Variants in MRTFB observed in about 807,000 individuals in gnomAD.
MRTFB encodes myocardin-related transcription factor B.
MRTFB carries 29 observed loss-of-function variants against 104.2 expected under a neutral mutation model. The observed-to-expected ratio is 0.28, with a 90% confidence interval of 0.21 to 0.38. MRTFB has a LOEUF of 0.38. Ranked by LOEUF, MRTFB falls within the 10% of genes least tolerant of loss-of-function variation. The pLI, the probability that MRTFB is intolerant of heterozygous loss-of-function variation, is 1.00. For synonymous variants in MRTFB, 535 were observed against 519.5 expected (o/e 1.03, Z -0.41); for missense variants, 1,270 against 1,341.6 (o/e 0.95, Z 0.83).
intron 8 of MRTFB, among the ~76,000 whole-genome samples, chr16:14,233,757 T>C (rs1406611132): frequency 7.4e-6 from 1 of 135,244 alleles, no homozygotes; most frequent in East Asian, 2.1e-4. Context: ...CCCACTGCAT[T>C]CCAGCCTGAG....
Position 14,218,976 on chromosome 16 carries a change from T to C in MRTFB, c.671T>C (p.Val224Ala), listed in dbSNP as rs754844949. The change falls in exon 8 of 17, where the codon GTG (valine) becomes GCG (alanine). Residue 224 changes from valine to alanine, a missense_variant. By Grantham distance (64) the Val-to-Ala change is moderately conservative. This residue lies in a region of MRTFB where 1,144 missense variants were observed against 1,131.5 expected (regional missense o/e 1.01). Transcript: ENST00000571589. ...EPKVSESPSP[V>A]TTNTPAQFAS... ...AAAGTTAGTGAATCGCCATCTCCTGTGACTACAAACACTCCAGCGCAGGTA... is the reference window on the plus strand; with the variant it reads ...AAAGTTAGTGAATCGCCATCTCCTGCGACTACAAACACTCCAGCGCAGGTA... 6.2e-7 allele frequency: 1 copy of C among 1,613,970 alleles called. No homozygotes were observed. The highest frequency in any genetic ancestry group is 8.5e-7 in the Non-Finnish European group (1 of 1,179,924).
At chr16:14,049,664 A>T in the MRTFB span, among the ~76,000 whole-genome samples, 1 of 152,248 alleles carries the variant, frequency 6.6e-6, no homozygotes, top group Non-Finnish European at 1.5e-5. Context: ...CCAATATTAA[A>T]TTTGCTGAAT....
chr16:13,999,661 G>A, the MRTFB span, among the ~76,000 whole-genome samples: 7 of 152,280 alleles, frequency 4.6e-5, no homozygotes, highest in South Asian at 1.5e-3. Flanking sequence ...CATGGTGCCT[G>A]AGGATGAAGC....
chr16:14,111,288 A>G (rs536522270), intron 2 of MRTFB, among the ~76,000 whole-genome samples: 10 of 152,288 alleles, frequency 6.6e-5, no homozygotes, highest in Admixed American at 5.9e-4. Context: ...GTAGATGTTA[A>G]ACATGCAGAG....
chr16:14,049,838 T>C, the MRTFB span, among the ~76,000 whole-genome samples: 43 of 152,328 alleles, frequency 2.8e-4, no homozygotes, highest in African/African-American at 9.9e-4. Context: ...GTTCAAGTGA[T>C]TCTCCTGCCT....
intron 2 of MRTFB, among the ~76,000 whole-genome samples, chr16:14,084,868 A>G (rs1290973193): frequency 6.6e-6 from 1 of 152,224 alleles, no homozygotes; most frequent in Non-Finnish European, 1.5e-5. Context: ...TCATTGACCT[A>G]TGGTTTGTTC....
chr16:14,105,924 C>G (rs186338574), intron 2 of MRTFB, among the ~76,000 whole-genome samples: 1 of 152,208 alleles, frequency 6.6e-6, no homozygotes, highest in East Asian at 1.9e-4. Context: ...CTTGCCTTTC[C>G]TAGTATTATA....
At chr16:14,094,888 A>G (rs931017468) in intron 2 of MRTFB, among the ~76,000 whole-genome samples, 17 of 152,304 alleles carry the variant, frequency 1.1e-4, no homozygotes, top group African/African-American at 4.1e-4. Flanking sequence ...TAAATTACCC[A>G]TCTATCTATC....
chr16:14,084,655 T>C (rs2034596384), intron 2 of MRTFB, among the ~76,000 whole-genome samples: 1 of 152,242 alleles, frequency 6.6e-6, no homozygotes, highest in Non-Finnish European at 1.5e-5. Flanking sequence ...ACTTGGGTGA[T>C]GATATTATTG....
chr16:14,071,730 CAG>C (rs1283302320), intron 1 of MRTFB, among the ~76,000 whole-genome samples: 1 of 152,146 alleles, frequency 6.6e-6, no homozygotes, highest in East Asian at 1.9e-4. Flanking sequence ...CGGGGCTGCA[CAG>C]AGAGGTGGAG....
chr16:14,054,288 C>A, the MRTFB span, among the ~76,000 whole-genome samples: 1 of 152,262 alleles, frequency 6.6e-6, no homozygotes, highest in Admixed American at 6.5e-5. Context: ...GCAATCTCAG[C>A]TCACTGCAAC....
Position 14,261,568 on chromosome 16 carries a change from T to A in MRTFB, c.*124T>A, listed in dbSNP as rs550959352. ...TCAAAATATGTTGTCACAGAAAGAA[T>A]AGGTGGAAGGTCATAGCCTGGAACC... On this transcript the variant is annotated 3_prime_UTR_variant, in exon 17 of 17. Coordinates refer to ENST00000571589, the MANE Select transcript of MRTFB (RefSeq NM_001308142.2). 152 of 1,023,452 alleles carry A rather than the reference T, an allele frequency of 1.5e-4. 1 individual carries two copies. In the East Asian group the frequency reaches 2.5e-3, roughly 17 times the overall value. 63.4% of individuals were successfully genotyped at this position (1,023,452 alleles called of 1,614,324 possible). A position where few individuals can be genotyped will look rare whatever the true frequency, so the allele number is the denominator to read the frequency against.
At chr16:14,228,196 A>T (rs2042095072) in intron 8 of MRTFB, among the ~76,000 whole-genome samples, 1 of 152,236 alleles carries the variant, frequency 6.6e-6, no homozygotes, top group Non-Finnish European at 1.5e-5. Flanking sequence ...GTGAAATGGT[A>T]TAGCCACTGT....
intron 1 of MRTFB, among the ~76,000 whole-genome samples, chr16:14,078,515 G>T (rs1430283917): frequency 6.6e-6 from 1 of 151,766 alleles, no homozygotes; most frequent in Non-Finnish European, 1.5e-5. Context: ...CTGCAGCCTT[G>T]AACTCCTAGG....
At chr16:14,101,623 A>C (rs1408925242) in intron 2 of MRTFB, among the ~76,000 whole-genome samples, 1 of 152,184 alleles carries the variant, frequency 6.6e-6, no homozygotes, top group African/African-American at 2.4e-5. Context: ...TGTGGTGGTC[A>C]TGGTAACTGT....
At chr16:14,230,657 A>T (rs2042216794) in intron 8 of MRTFB, among the ~76,000 whole-genome samples, 1 of 152,208 alleles carries the variant, frequency 6.6e-6, no homozygotes, top group African/African-American at 2.4e-5. Flanking sequence ...GGATGTGGAG[A>T]AATAGGAACA....
At chr16:14,076,165 A>G (rs2034037639) in intron 1 of MRTFB, among the ~76,000 whole-genome samples, 1 of 151,632 alleles carries the variant, frequency 6.6e-6, no homozygotes, top group Non-Finnish European at 1.5e-5. Flanking sequence ...ATACCTTCAT[A>G]TTAGTATATA....
intron 3 of MRTFB, among the ~76,000 whole-genome samples, chr16:14,183,882 G>A (rs1323470955): frequency 2.0e-5 from 3 of 152,070 alleles, no homozygotes; most frequent in South Asian, 4.1e-4. Context: ...ACAAAAATAA[G>A]CATGCAGAGG....
At chr16:14,074,573 G>C (rs901126716) in intron 1 of MRTFB, among the ~76,000 whole-genome samples, 1 of 152,148 alleles carries the variant, frequency 6.6e-6, no homozygotes, top group Admixed American at 6.5e-5. Flanking sequence ...CTTAAAATTA[G>C]CATGTGGTTG....
Sources: allele counts gnomAD v4.1 joint callset (sites outside exome capture counted in the v4.1 genomes callset), GRCh38; gene constraint gnomAD v4.1.1; regional missense constraint gnomAD v4.1.1; transcripts MANE v1.5; gene names NCBI Gene and HGNC (gene_info 2026-07-23, HGNC 2026-07-21).